Variants in MYOF observed in about 807,000 individuals in gnomAD.
MYOF encodes the protein fer-1-like 3, myoferlin.
MYOF carries 244 observed loss-of-function variants against 284.2 expected under a neutral mutation model. The ratio of observed to expected loss-of-function variants is 0.86; its 90% CI spans 0.77 to 0.95. The LOEUF (loss-of-function observed/expected upper bound fraction) is 0.95, where lower values mean the gene tolerates loss of function less well. Ranked by LOEUF, MYOF falls within the 40% of genes least tolerant of loss-of-function variation. MYOF has a pLI of 0.00. For missense variants in MYOF, 2,496 were observed against 2,560.6 expected, an observed-to-expected ratio of 0.97 and a Z score of 0.54; for synonymous variants, 904 against 919.7, an observed-to-expected ratio of 0.98 and a Z score of 0.31.
At chr10:93,308,370 A>G (rs1453677258) in intron 53 of MYOF, among the ~76,000 whole-genome samples, 1 of 151,812 alleles carries the variant, frequency 6.6e-6, no homozygotes, top group Non-Finnish European at 1.5e-5. Context: ...GGATCACTTG[A>G]GGTCAGGAGT....
At chr10:93,404,703 C>CA (rs1847473088) in intron 7 of MYOF, among the ~76,000 whole-genome samples, 1 of 148,986 alleles carries the variant, frequency 6.7e-6, no homozygotes, top group African/African-American at 2.5e-5. Flanking sequence ...CAATGCTTAT[C>CA]AAAATGAGCG....
chr10:93,338,335 C>T (rs905524462), intron 39 of MYOF: 3 of 457,354 alleles, frequency 6.6e-6, no homozygotes, highest in Non-Finnish European at 8.8e-6. Context: ...TAATACAATA[C>T]TCACTAGCTA....
chr10:93,307,194 C>G (rs1445182614), intron 53 of MYOF, among the ~76,000 whole-genome samples, 193 bp from the exon 54 acceptor site: 7 of 120,392 alleles, frequency 5.8e-5, no homozygotes, highest in Admixed American at 1.5e-4. Context: ...TAGCACCCCC[C>G]CGCCAAGTTG....
intron 19 of MYOF, among the ~76,000 whole-genome samples, chr10:93,385,301 C>G (rs1846312638): frequency 6.6e-6 from 1 of 152,166 alleles, no homozygotes; most frequent in South Asian, 2.1e-4. Context: ...GTGGAAGTGG[C>G]CAGGCTGAAT....
chr10:93,380,208 T>C (rs1054237727), intron 20 of MYOF, among the ~76,000 whole-genome samples: 3 of 152,182 alleles, frequency 2.0e-5, no homozygotes, highest in Non-Finnish European at 4.4e-5. Flanking sequence ...CCTAGTAAAC[T>C]GAGCACAGCA....
chr10:93,355,797 T>C lies in MYOF; in HGVS notation c.3295-61A>G. ...TCAATAAACACTGCCTAAAAGCAAA[T>C]CAACCAACCAAGAGGCAAGAATAAC... On this transcript the variant is annotated intron_variant, in intron 30 of 53. Transcript: ENST00000359263. 9 of 1,246,628 alleles carry C rather than the reference T, an allele frequency of 7.2e-6. No individual in the cohort carries two copies. In the South Asian group the frequency reaches 1.1e-4, roughly 16 times the overall value. The allele number at this position is 1,246,628 out of a possible 1,614,324, so 77.2% of individuals were successfully genotyped here. A position where few individuals can be genotyped will look rare whatever the true frequency, so the allele number is the denominator to read the frequency against.
intron 3 of MYOF, among the ~76,000 whole-genome samples, chr10:93,443,693 A>G (rs908613315): frequency 1.3e-5 from 2 of 152,198 alleles, no homozygotes; most frequent in African/African-American, 4.8e-5. Flanking sequence ...TTTATCTCCC[A>G]TCTCTTAGAG....
intron 41 of MYOF, among the ~76,000 whole-genome samples, chr10:93,335,009 A>C (rs1843529992): frequency 6.6e-6 from 1 of 152,134 alleles, no homozygotes; most frequent in Non-Finnish European, 1.5e-5. Flanking sequence ...GGCAATTATA[A>C]AGCAGATACT....
At chr10:93,385,203 G>A (rs1846306968) in intron 19 of MYOF, among the ~76,000 whole-genome samples, 1 of 152,188 alleles carries the variant, frequency 6.6e-6, no homozygotes, top group Non-Finnish European at 1.5e-5. Flanking sequence ...GAGTCCTTTA[G>A]TGGCAGGGCA....
rs200846511 is a variant in MYOF at position 93,325,873 on chromosome 10, C to T, written c.5224G>A (p.Val1742Met). ...GTGCTGTGCAAAGTCCTTGTTTCCA[C>T]GTGCTCAGGGACCAGCCCCTGAGTC... ...LRTQGLVPEH[V>M]ETRTLHSTFQ... Residue 1742 changes from valine to methionine, a missense_variant, in exon 46 of 54, where the codon GTG becomes ATG. Transcript: ENST00000359263. 9.9e-6 allele frequency: 16 copies of T among 1,613,890 alleles called. No homozygotes were observed. The highest frequency in any genetic ancestry group is 9.3e-5 in the African/African-American group (7 of 74,908).
intron 43 of MYOF, among the ~76,000 whole-genome samples, chr10:93,330,365 C>T (rs1843244336): frequency 6.6e-6 from 1 of 152,166 alleles, no homozygotes; most frequent in Non-Finnish European, 1.5e-5. Context: ...TGACTTATAG[C>T]CCCCTACCTG....
chr10:93,427,317 G>T (rs557810002), intron 4 of MYOF, among the ~76,000 whole-genome samples: 4 of 151,814 alleles, frequency 2.6e-5, no homozygotes, highest in Non-Finnish European at 5.9e-5. Flanking sequence ...TGGATCACAA[G>T]GTCAGGAGTT....
At chr10:93,457,510 C>T (rs760995576) in intron 1 of MYOF, among the ~76,000 whole-genome samples, 4 of 152,220 alleles carry the variant, frequency 2.6e-5, no homozygotes, top group East Asian at 3.9e-4. Flanking sequence ...TCCTTTACTC[C>T]GAGGCCACCT....
At chr10:93,414,271 TCACA>T (rs1384111103) in intron 5 of MYOF, among the ~76,000 whole-genome samples, 1 of 152,070 alleles carries the variant, frequency 6.6e-6, no homozygotes, top group Non-Finnish European at 1.5e-5. Context: ...GTTTGGCGGC[TCACA>T]CCTGTAAACC....
chr10:93,339,387 G>GTGTGTGTGTGTC (rs1162407359), intron 39 of MYOF, among the ~76,000 whole-genome samples: 2 of 152,110 alleles, frequency 1.3e-5, no homozygotes, highest in East Asian at 3.9e-4. Flanking sequence ...GTGTGTGTGT[G>GTGTGTGTGTGTC]TGTGTGAATG....
chr10:93,361,588 G>A, intron 27 of MYOF, 31 bp from the exon 28 acceptor site: 1 of 1,610,956 alleles, frequency 6.2e-7, no homozygotes, highest in Non-Finnish European at 8.5e-7. Flanking sequence ...ACAAAGAAGA[G>A]AGGTAAGCCA....
At chr10:93,447,194 T>G (rs1402585681) in intron 3 of MYOF, among the ~76,000 whole-genome samples, 1 of 152,232 alleles carries the variant, frequency 6.6e-6, no homozygotes, top group African/African-American at 2.4e-5. Flanking sequence ...CAGGTTCAGA[T>G]AGACTGCACG....
chr10:93,430,924 T>G lies in MYOF; in HGVS notation c.345+484A>C, dbSNP rs559215707. Among the ~76,000 whole-genome samples the G allele has an allele frequency of 2.0e-5, 3 of 152,316 alleles. No homozygotes were observed. The East Asian group carries it at 5.8e-4, about 29-fold the overall frequency. On this transcript the variant is annotated intron_variant, in intron 4 of 53. Coordinates refer to ENST00000359263, the MANE Select transcript of MYOF (RefSeq NM_013451.4). ...CAGAAAAATCTCAAAACCAGATTTT[T>G]TGTGTGTGTGGTTAGCTAATTACCA...
rs1478477144 is a variant in MYOF at position 93,389,151 on chromosome 10, T to C, written c.1460A>G (p.Asn487Ser). The change falls in exon 18 of 54, where the codon AAC (asparagine) becomes AGC (serine). Residue 487 changes from asparagine (N) to serine (S), a missense_variant. By Grantham distance (46) the Asn-to-Ser change is conservative (BLOSUM62 1). This residue lies in a region of MYOF where 2,436 missense variants were observed against 2,480.7 expected (regional missense o/e 0.98). Coordinates refer to ENST00000359263, the MANE Select transcript of MYOF (RefSeq NM_013451.4). ...AAAGCCTACCTCTGTTTCTCCTGTG[T>C]TTACTGAGAGAGAAACATCATCATG... ...SGTGAASYTV[N>S]TGETEVGFVP... 6.2e-7 allele frequency: 1 copy of C among 1,612,742 alleles called. No individual in the cohort carries two copies. Among genetic ancestry groups the C allele is most frequent in the East Asian group, 2.2e-5 (1 of 44,876 alleles).
Sources: allele counts gnomAD v4.1 joint callset (sites outside exome capture counted in the v4.1 genomes callset), GRCh38; gene constraint gnomAD v4.1.1; regional missense constraint gnomAD v4.1.1; transcripts MANE v1.5; gene names NCBI Gene and HGNC (gene_info 2026-07-23, HGNC 2026-07-21).